The following GALNTL6 variants were observed in gnomAD, a reference collection of about 807,000 sequenced individuals.
The protein encoded by GALNTL6 is polypeptide N-acetylgalactosaminyltransferase-like 6.
Under a neutral mutation model 73.7 loss-of-function variants are expected in GALNTL6, and 46 were observed. That is an observed-to-expected ratio of 0.62 (90% confidence interval 0.49 to 0.80). The LOEUF (loss-of-function observed/expected upper bound fraction) is 0.80. Among genes scored for constraint, GALNTL6 ranks in the 30% least tolerant of loss-of-function variants. The probability of loss-of-function intolerance (pLI) is 0.00; values close to 1 mark genes in which losing one functional copy is unlikely to be tolerated. For missense variants in GALNTL6, 604 were observed against 755.0 expected (o/e 0.80, Z 2.34); for synonymous variants, 259 against 263.7 (o/e 0.98, Z 0.17).
At chr4:172,141,065 T>G (rs1352365614) in intron 2 of GALNTL6, among the ~76,000 whole-genome samples, 2 of 152,044 alleles carry the variant, frequency 1.3e-5, no homozygotes, top group African/African-American at 4.8e-5. Flanking sequence ...ATCTTTGCCC[T>G]TTATGTAAAT....
At chr4:172,602,032 C>T (rs1026237097) in intron 5 of GALNTL6, among the ~76,000 whole-genome samples, 1 of 151,778 alleles carries the variant, frequency 6.6e-6, no homozygotes. Context: ...TCAGAAAAAA[C>T]CAATACTGAA....
chr4:172,885,429 A>T (rs28869494), intron 8 of GALNTL6, among the ~76,000 whole-genome samples: 37,576 of 152,040 alleles, frequency 0.25, 5,168 homozygotes, highest in African/African-American at 0.35. Flanking sequence ...GCAACTTTAT[A>T]GAATTAATTT....
At chr4:171,837,668 TATAA>T (rs1560807795) in intron 2 of GALNTL6, among the ~76,000 whole-genome samples, 1 of 147,244 alleles carries the variant, frequency 6.8e-6, no homozygotes, top group Non-Finnish European at 1.5e-5. Flanking sequence ...ATAATTAATA[TATAA>T]ATATATTATG....
At chr4:171,853,314 C>T (rs1323635212) in intron 2 of GALNTL6, among the ~76,000 whole-genome samples, 1 of 151,922 alleles carries the variant, frequency 6.6e-6, no homozygotes, top group African/African-American at 2.4e-5. Flanking sequence ...CTCAGGTGAG[C>T]ATTTACCTGC....
At chr4:172,896,120 CT>C (rs1445434391) in intron 8 of GALNTL6, among the ~76,000 whole-genome samples, 1 of 152,154 alleles carries the variant, frequency 6.6e-6, no homozygotes, top group African/African-American at 2.4e-5. Flanking sequence ...GGGTTGACCT[CT>C]GGTACCTTAC....
intron 5 of GALNTL6, among the ~76,000 whole-genome samples, chr4:172,768,847 C>T (rs921930225): frequency 1.3e-5 from 2 of 152,016 alleles, no homozygotes; most frequent in Non-Finnish European, 2.9e-5. Context: ...ACAGTTTCCA[C>T]TTGCTAGACA....
At chr4:172,777,750 T>C (rs79621394) in intron 5 of GALNTL6, among the ~76,000 whole-genome samples, 2 of 152,344 alleles carry the variant, frequency 1.3e-5, no homozygotes, top group South Asian at 2.1e-4. Flanking sequence ...GGTTTTTTTT[T>C]CTCTCACAAT....
At chr4:172,899,937 C>G (rs1746534848) in intron 8 of GALNTL6, among the ~76,000 whole-genome samples, 1 of 152,132 alleles carries the variant, frequency 6.6e-6, no homozygotes, top group Admixed American at 6.6e-5. Flanking sequence ...TTGTTGCCAT[C>G]TTGGTTTTGG....
chr4:171,954,416 T>A (rs1230912207), intron 2 of GALNTL6, among the ~76,000 whole-genome samples: 1 of 152,190 alleles, frequency 6.6e-6, no homozygotes, highest in Non-Finnish European at 1.5e-5. Context: ...AATGAACAAT[T>A]ATGTAGCAAT....
intron 2 of GALNTL6, among the ~76,000 whole-genome samples, chr4:171,920,174 C>A (rs145517666): frequency 0.04 from 6,000 of 150,960 alleles, 344 homozygotes; most frequent in African/African-American, 0.12. Flanking sequence ...GTGGGAATTG[C>A]AAAATGAGAA....
At chr4:173,007,396 C>T (rs1330920198) in intron 10 of GALNTL6, among the ~76,000 whole-genome samples, 19 of 152,156 alleles carry the variant, frequency 1.2e-4, no homozygotes, top group Non-Finnish European at 7.3e-5. Context: ...GGATTAAGAT[C>T]ATTGACTTTC....
At chr4:172,637,833 T>G (rs1431952537) in intron 5 of GALNTL6, among the ~76,000 whole-genome samples, 1 of 152,160 alleles carries the variant, frequency 6.6e-6, no homozygotes. Flanking sequence ...CTGTTTTCAT[T>G]AATCACCACA....
At chr4:172,154,922 A>G (rs1008317681) in intron 2 of GALNTL6, among the ~76,000 whole-genome samples, 39 of 152,216 alleles carry the variant, frequency 2.6e-4, no homozygotes, top group Admixed American at 1.1e-3. Context: ...TCAAAATCCT[A>G]ACACCCATGG....
At chr4:172,409,983 A>C (rs1744373874) in intron 5 of GALNTL6, among the ~76,000 whole-genome samples, 1 of 152,040 alleles carries the variant, frequency 6.6e-6, no homozygotes, top group African/African-American at 2.4e-5. Flanking sequence ...AAGGTTTATA[A>C]ATGTGACAAA....
At chr4:172,663,573 A>G (rs567033354) in intron 5 of GALNTL6, among the ~76,000 whole-genome samples, 17 of 152,282 alleles carry the variant, frequency 1.1e-4, no homozygotes, top group African/African-American at 4.1e-4. Context: ...TCAGAGAATA[A>G]TGTGGTGGTT....
At chr4:172,192,573 C>T (rs566765669) in intron 2 of GALNTL6, among the ~76,000 whole-genome samples, 10 of 152,170 alleles carry the variant, frequency 6.6e-5, no homozygotes, top group Admixed American at 1.3e-4. Flanking sequence ...TGGAGCTGCA[C>T]GGGGCAAAGG....
intron 2 of GALNTL6, among the ~76,000 whole-genome samples, chr4:172,158,426 AC>A (rs1734352358): frequency 6.6e-6 from 1 of 152,026 alleles, no homozygotes; most frequent in African/African-American, 2.4e-5. Flanking sequence ...AAAAAAAAAA[AC>A]AGCTAGCAAA....
At chr4:172,679,573 C>T (rs1216956878) in intron 5 of GALNTL6, among the ~76,000 whole-genome samples, 1 of 152,178 alleles carries the variant, frequency 6.6e-6, no homozygotes, top group Non-Finnish European at 1.5e-5. Context: ...TTTCTCTATA[C>T]ACTATCTCTG....
At chr4:172,535,362 A>G (rs1208222817) in intron 5 of GALNTL6, among the ~76,000 whole-genome samples, 1 of 152,190 alleles carries the variant, frequency 6.6e-6, no homozygotes, top group East Asian at 1.9e-4. Context: ...AACTAGCCCA[A>G]AATTTCTGCA....
Sources: allele counts gnomAD v4.1 joint callset (sites outside exome capture counted in the v4.1 genomes callset), GRCh38; gene constraint gnomAD v4.1.1; transcripts MANE v1.5; gene names NCBI Gene and HGNC (gene_info 2026-07-23, HGNC 2026-07-21).